The following CNTLN variants were observed in gnomAD, a reference collection of about 807,000 sequenced individuals.
The protein encoded by CNTLN is centlein.
A neutral mutation model predicts 180.0 loss-of-function variants in CNTLN; 212 were observed. That is an observed-to-expected ratio of 1.18 (90% CI 1.05 to 1.32). The LOEUF is 1.32. CNTLN is among the 40% of genes most tolerant of loss of function. CNTLN has a pLI of 0.00. For missense variants in CNTLN, 2,095 were observed against 1,610.9 expected (o/e 1.30, Z -5.14); for synonymous variants, 722 against 563.1 (o/e 1.28, Z -3.99).
Position 17,496,265 on chromosome 9 carries a change from C to T in CNTLN, c.4120-6286C>T, listed in dbSNP as rs116597350. Among the ~76,000 whole-genome samples, 1,510 of 152,262 alleles carry T rather than the reference C, an allele frequency of 9.9e-3. 30 individuals are homozygous for T. The highest frequency in any genetic ancestry group is 0.034 in the African/African-American group (1,409 of 41,538). ...CTATTAAGTGTTCTCTTAGTCATAT[C>T]AGGCTGTTATCACAGAATACCATAG... On this transcript the variant is annotated intron_variant, in intron 25 of 25. Transcript: ENST00000380647.
intron 2 of CNTLN, among the ~76,000 whole-genome samples, chr9:17,176,829 C>T (rs770511015): frequency 3.9e-5 from 6 of 152,124 alleles, no homozygotes; most frequent in South Asian, 2.1e-4. Flanking sequence ...TCTTGAGGAA[C>T]TGGTTTTTCT....
At chr9:17,479,243 C>T (rs1414255890) in intron 23 of CNTLN, among the ~76,000 whole-genome samples, 2 of 152,146 alleles carry the variant, frequency 1.3e-5, no homozygotes, top group Non-Finnish European at 2.9e-5. Context: ...GTTAGGACTC[C>T]TGTGTTCATT....
intron 6 of CNTLN, among the ~76,000 whole-genome samples, chr9:17,283,857 T>C (rs1828813071): frequency 6.6e-6 from 1 of 152,180 alleles, no homozygotes; most frequent in African/African-American, 2.4e-5. Context: ...GATGATCATG[T>C]GTTTGCTGTC....
At chr9:17,331,262 CA>C (rs1820626315) in intron 9 of CNTLN, among the ~76,000 whole-genome samples, 1 of 151,626 alleles carries the variant, frequency 6.6e-6, no homozygotes, top group Non-Finnish European at 1.5e-5. Context: ...TGAATTTTAA[CA>C]CTAACTTCTG....
At chr9:17,407,724 G>A (rs1827503040) in intron 15 of CNTLN, among the ~76,000 whole-genome samples, 1 of 152,098 alleles carries the variant, frequency 6.6e-6, no homozygotes, top group Admixed American at 6.5e-5. Flanking sequence ...CACACTTTTA[G>A]TCTGCATCTA....
chr9:17,439,030 T>C lies in CNTLN; in HGVS notation c.3115-18494T>C, dbSNP rs1416127818. Among the ~76,000 whole-genome samples the C allele has an allele frequency of 3.3e-5, 5 of 152,118 alleles. No individual in the cohort carries two copies. In the South Asian group the frequency reaches 8.3e-4, roughly 25 times the overall value. ...ACTGCTGCTTATTAGAATCAGTTCATGGGAGGAATTGAGGAATGGGAACAG... is the reference window on the plus strand; with the variant it reads ...ACTGCTGCTTATTAGAATCAGTTCACGGGAGGAATTGAGGAATGGGAACAG... On this transcript the variant is annotated intron_variant, in intron 18 of 25. Coordinates refer to ENST00000380647, the MANE Select transcript of CNTLN (RefSeq NM_017738.4).
At chr9:17,398,796 C>A (rs1269214977) in intron 15 of CNTLN, among the ~76,000 whole-genome samples, 1 of 152,014 alleles carries the variant, frequency 6.6e-6, no homozygotes, top group Non-Finnish European at 1.5e-5. Flanking sequence ...CGTGCCATAC[C>A]AAAATAAGCA....
rs1175297526 is a variant in CNTLN at position 17,359,722 on chromosome 9, AT to A, written c.1887-6894del. On this transcript the variant is annotated intron_variant, in intron 12 of 25. Coordinates refer to ENST00000380647, the MANE Select transcript of CNTLN (RefSeq NM_017738.4). ...CGGTGAAACTCCGTCTATACTAAAA[AT>A]ACAAAAAAAAAAAAAAAAAAAAAAA... is the stretch of plus-strand genomic sequence containing the variant. Among the ~76,000 whole-genome samples, 210 of 33,694 alleles carry A rather than the reference AT, an allele frequency of 6.2e-3. 20 individuals carry two copies. The highest frequency in any genetic ancestry group is 0.01 in the South Asian group (10 of 982). 22.1% of individuals were successfully genotyped at this position (33,694 alleles called of 152,430 possible).
intron 23 of CNTLN, among the ~76,000 whole-genome samples, chr9:17,481,426 C>T (rs2442003): frequency 0.047 from 7,179 of 152,288 alleles, 200 homozygotes; most frequent in Middle Eastern, 0.12. Flanking sequence ...CCCACTTAAT[C>T]ATGGAACCCA....
chr9:17,415,961 T>G lies in CNTLN; in HGVS notation c.2891-5T>G. The G allele has an allele frequency of 6.3e-7, 1 of 1,598,232 alleles. No homozygotes were observed. The highest frequency in any genetic ancestry group is 8.5e-7 in the Non-Finnish European group (1 of 1,172,312). On this transcript the variant is annotated splice_polypyrimidine_tract_variant and splice_region_variant and intron_variant, in intron 17 of 25. Transcript: ENST00000380647. ...TAAAATATGAACAATATTGTTTTTA[T>G]GTAGTCAACAGAGAAAAGTACAAAA...
At chr9:17,466,962 A>G in intron 23 of CNTLN, 71 bp downstream of exon 23, 1 of 1,051,282 alleles carries the variant, frequency 9.5e-7, no homozygotes, top group Non-Finnish European at 1.4e-6. Context: ...ACTTGAGATG[A>G]TTTGGGGAAT....
chr9:17,411,557 G>T (rs1438352851), intron 16 of CNTLN, among the ~76,000 whole-genome samples: 2 of 152,186 alleles, frequency 1.3e-5, no homozygotes. Flanking sequence ...ACCTGTTGTG[G>T]CCTGCTAGGA....
At chr9:17,268,170 T>C (rs997751425) in intron 5 of CNTLN, among the ~76,000 whole-genome samples, 4 of 152,172 alleles carry the variant, frequency 2.6e-5, no homozygotes. Flanking sequence ...TGTGGTTTTA[T>C]CTACTTTTGG....
chr9:17,309,935 A>G (rs966028870), intron 8 of CNTLN, among the ~76,000 whole-genome samples: 2 of 151,992 alleles, frequency 1.3e-5, no homozygotes, highest in African/African-American at 2.4e-5. Context: ...TCAGTAATGG[A>G]TTGTAATTTT....
intron 12 of CNTLN, among the ~76,000 whole-genome samples, chr9:17,360,248 G>C (rs1286875305): frequency 1.3e-5 from 2 of 152,168 alleles, no homozygotes; most frequent in East Asian, 3.8e-4. Flanking sequence ...TTAAAGTTTG[G>C]TAAAGAAGAC....
intron 2 of CNTLN, among the ~76,000 whole-genome samples, chr9:17,170,151 A>G (rs890958506): frequency 2.6e-5 from 4 of 152,002 alleles, no homozygotes; most frequent in African/African-American, 9.7e-5. Flanking sequence ...TCTGTTGTTA[A>G]TGGGATTGTT....
intron 18 of CNTLN, among the ~76,000 whole-genome samples, chr9:17,436,889 C>A (rs1829809127): frequency 6.6e-6 from 1 of 152,154 alleles, no homozygotes; most frequent in Non-Finnish European, 1.5e-5. Context: ...CCAGAGTTTT[C>A]TTTTACCTTA....
intron 24 of CNTLN, 103 bp downstream of exon 24, chr9:17,484,583 A>G: frequency 3.3e-6 from 3 of 916,322 alleles, no homozygotes; most frequent in Non-Finnish European, 4.7e-6. Context: ...TCTTTAAGAG[A>G]GTGTTAATGA....
At chr9:17,193,264 C>G (rs976852737) in intron 2 of CNTLN, among the ~76,000 whole-genome samples, 2 of 152,142 alleles carry the variant, frequency 1.3e-5, no homozygotes, top group Admixed American at 1.3e-4. Context: ...AACAGTCCCC[C>G]AAAGTCTTAA....
Sources: allele counts gnomAD v4.1 joint callset (sites outside exome capture counted in the v4.1 genomes callset), GRCh38; gene constraint gnomAD v4.1.1; transcripts MANE v1.5; gene names NCBI Gene and HGNC (gene_info 2026-07-23, HGNC 2026-07-21).